PKP1: variants seen among roughly 807,000 people sequenced by gnomAD.
The protein encoded by PKP1 is plakophilin-1.
A neutral mutation model predicts 76.4 loss-of-function variants in PKP1; 27 were observed. The observed-to-expected ratio is 0.35, with a 90% CI of 0.26 to 0.49. The LOEUF is 0.49. Ranked by LOEUF, PKP1 falls within the 20% of genes least tolerant of loss-of-function variation. The probability of loss-of-function intolerance (pLI) is 0.99; values close to 1 mark genes in which losing one functional copy is unlikely to be tolerated. For missense variants in PKP1, 964 were observed against 955.2 expected (o/e 1.01, Z -0.12); for synonymous variants, 404 against 384.2 (o/e 1.05, Z -0.60).
intron 1 of PKP1, among the ~76,000 whole-genome samples, chr1:201,289,925 G>A (rs757171563): frequency 6.6e-6 from 1 of 152,212 alleles, no homozygotes; most frequent in Non-Finnish European, 1.5e-5. Flanking sequence ...TTCAGGTGCA[G>A]TAAGTGTGAC....
chr1:201,315,476 G>A (rs768337126), intron 3 of PKP1, among the ~76,000 whole-genome samples: 9 of 152,214 alleles, frequency 5.9e-5, no homozygotes, highest in Non-Finnish European at 1.2e-4. Flanking sequence ...CACCAGGGGA[G>A]CTGGAGAGGT....
rs774884485 is a variant in PKP1, at chr1:201,318,611, C to A, written c.1055-7C>A. 13 of 1,611,746 alleles carry A rather than the reference C, an allele frequency of 8.1e-6. No individual in the cohort carries two copies. Among genetic ancestry groups the A allele is most frequent in the South Asian group, 4.4e-5 (4 of 90,980 alleles). On this transcript the variant is annotated splice_region_variant and splice_polypyrimidine_tract_variant and intron_variant, in intron 5 of 13. Transcript: ENST00000367324. ...CACAAATTGGGTTGATGGTCTCTGA[C>A]CCCCAGGGCTGCTCTGGAACCTGTC...
intron 1 of PKP1, among the ~76,000 whole-genome samples, chr1:201,285,698 C>T (rs1253889473): frequency 1.3e-5 from 2 of 152,252 alleles, no homozygotes; most frequent in Non-Finnish European, 2.9e-5. Flanking sequence ...AAACTCAAAC[C>T]GGCCCTGGGT....
chr1:201,325,232 C>G, intron 11 of PKP1, 105 bp downstream of exon 11: 1 of 1,210,236 alleles, frequency 8.3e-7, no homozygotes, highest in Non-Finnish European at 1.2e-6. Flanking sequence ...GGGGAAGCAC[C>G]AAGGGCAGGG....
At chr1:201,311,668 G>A (rs1270262204) in intron 2 of PKP1, among the ~76,000 whole-genome samples, 2 of 143,114 alleles carry the variant, frequency 1.4e-5, no homozygotes, top group Non-Finnish European at 3.1e-5. Context: ...GTTGCCTAAC[G>A]ACCTCCCCTA....
intron 3 of PKP1, among the ~76,000 whole-genome samples, chr1:201,315,096 A>T (rs1470684473): frequency 6.6e-6 from 1 of 152,254 alleles, no homozygotes; most frequent in Non-Finnish European, 1.5e-5. Flanking sequence ...CGTATTTAGG[A>T]TGATCTGGAG....
At chr1:201,313,664 C>A in intron 3 of PKP1, 104 bp downstream of exon 3, 1 of 1,223,092 alleles carries the variant, frequency 8.2e-7, no homozygotes, top group East Asian at 2.4e-5. Context: ...ACAGGAGAGA[C>A]ATAGCTTCTG....
At chr1:201,320,170 C>G in intron 6 of PKP1, 97 bp from the exon 7 acceptor site, 3 of 796,922 alleles carry the variant, frequency 3.8e-6, no homozygotes, top group Non-Finnish European at 6.5e-6. Context: ...TGCCTGTTCT[C>G]TCTCCTGCCT....
intron 2 of PKP1, among the ~76,000 whole-genome samples, chr1:201,308,149 G>T (rs1656422913): frequency 6.6e-6 from 1 of 152,262 alleles, no homozygotes; most frequent in Non-Finnish European, 1.5e-5. Context: ...AGGTCAAGCG[G>T]TAAAGGGAAG....
chr1:201,325,456 T>A (rs1571564640), intron 11 of PKP1, among the ~76,000 whole-genome samples: 1 of 152,110 alleles, frequency 6.6e-6, no homozygotes, highest in African/African-American at 2.4e-5. Context: ...TCCTGCTCTG[T>A]GGGGCTCTCT....
chr1:201,285,350 G>C (rs1199920353), intron 1 of PKP1, among the ~76,000 whole-genome samples: 1 of 151,746 alleles, frequency 6.6e-6, no homozygotes, highest in Non-Finnish European at 1.5e-5. Context: ...AGAGCCGAGG[G>C]AAGGAAAATG....
Position 201,316,715 on chromosome 1 carries a change from T to C in PKP1, c.846+18T>C, listed in dbSNP as rs1571557116. On this transcript the variant is annotated intron_variant, in intron 4 of 13. Transcript: ENST00000367324. ...AGCAACAGGTAGCTGGTTGCATACCTTCCTCCTTGGTGGGCCTGCGGAGGG... is the reference window on the plus strand; with the variant it reads ...AGCAACAGGTAGCTGGTTGCATACCCTCCTCCTTGGTGGGCCTGCGGAGGG... 1 of 1,613,084 alleles carries C rather than the reference T, an allele frequency of 6.2e-7. No homozygotes were observed. Among genetic ancestry groups the C allele is most frequent in the Non-Finnish European group, 8.5e-7 (1 of 1,179,818 alleles).
chr1:201,322,950 G>A (rs1656992733), intron 8 of PKP1, 63 bp from the exon 9 acceptor site: 1 of 1,533,510 alleles, frequency 6.5e-7, no homozygotes, highest in South Asian at 1.2e-5. Context: ...GGGACAGAAT[G>A]CCTGGGTTGT....
chr1:201,321,574 G>GA lies in PKP1; in HGVS notation c.1348-393dup, dbSNP rs796457162. ...GCTTCTTCTGGAGGAGTTTGTTCTG[G>GA]AAAAAAAAAAAGACACATTCTTCAA... On this transcript the variant is annotated intron_variant, in intron 7 of 13. Coordinates refer to ENST00000367324, the MANE Select transcript of PKP1 (RefSeq NM_001005337.3). Among the ~76,000 whole-genome samples, 888 of 145,084 alleles carry GA rather than the reference G, an allele frequency of 6.1e-3. 11 individuals are homozygous for GA. The highest frequency in any genetic ancestry group is 0.019 in the African/African-American group (776 of 39,818).
intron 2 of PKP1, among the ~76,000 whole-genome samples, chr1:201,312,294 C>T (rs1656578232): frequency 6.6e-6 from 1 of 152,172 alleles, no homozygotes; most frequent in East Asian, 1.9e-4. Flanking sequence ...AGAAAACAGT[C>T]CTGGCCAGAA....
intron 1 of PKP1, among the ~76,000 whole-genome samples, chr1:201,286,279 G>A (rs545588933): frequency 6.6e-6 from 1 of 152,160 alleles, no homozygotes; most frequent in Non-Finnish European, 1.5e-5. Context: ...TCTTCCAAGA[G>A]CAGAGTCAGT....
At chr1:201,303,831 G>A (rs1303051368) in intron 2 of PKP1, among the ~76,000 whole-genome samples, 6 of 152,160 alleles carry the variant, frequency 3.9e-5, no homozygotes, top group Admixed American at 6.5e-5. Context: ...GGGAGATTCC[G>A]GGTCATATGC....
chr1:201,306,176 GA>G (rs1656360008), intron 2 of PKP1, among the ~76,000 whole-genome samples: 1 of 152,230 alleles, frequency 6.6e-6, no homozygotes, highest in Admixed American at 6.5e-5. Flanking sequence ...CTCAGGTGTA[GA>G]GGGGGAAAGG....
chr1:201,311,926 C>G (rs571613119), intron 2 of PKP1, among the ~76,000 whole-genome samples: 2 of 152,368 alleles, frequency 1.3e-5, no homozygotes, highest in Admixed American at 1.3e-4. Flanking sequence ...CTGATTCGCA[C>G]CAAGTCTCCA....
Sources: gnomAD v4.1 joint callset for allele counts (sites outside exome capture counted in the v4.1 genomes callset) on GRCh38, gnomAD v4.1.1 for gene constraint, MANE v1.5 for transcripts, NCBI Gene and HGNC (gene_info 2026-07-23, HGNC 2026-07-21) for gene names.